DGKA: variants seen among roughly 807,000 people sequenced by gnomAD.
The protein encoded by DGKA is diacylglycerol kinase alpha.
A neutral mutation model predicts 105.0 loss-of-function variants in DGKA; 35 were observed. The observed-to-expected ratio is 0.33, with a 90% CI of 0.25 to 0.44. DGKA has a LOEUF of 0.44. Among genes scored for constraint, DGKA ranks in the 20% least tolerant of loss-of-function variants. The pLI, the probability that DGKA is intolerant of heterozygous loss-of-function variation, is 1.00. For missense variants in DGKA, 665 were observed against 915.0 expected, an observed-to-expected ratio of 0.73 and a Z score of 3.53; for synonymous variants, 296 against 332.0, an observed-to-expected ratio of 0.89 and a Z score of 1.18.
chr12:55,935,934 A>T, intron 1 of DGKA: 1 of 986,436 alleles, frequency 1.0e-6, no homozygotes, highest in Non-Finnish European at 1.2e-6. Flanking sequence ...AAATGGGGTC[A>T]TGGCCAGGAA....
Position 55,952,878 on chromosome 12 carries a change from G to A in DGKA, c.1888G>A (p.Gly630Ser). ...GDIYGINQAL[G>S]ATAKVITDPD... ...TATCTATGGGATCAACCAGGCCTTA[G>A]GTGCTACAGCTAAAGTCATCACCGA... Residue 630 changes from glycine to serine, a missense_variant, in exon 21 of 24, where the codon GGT (glycine) becomes AGT (serine). By Grantham distance (56) the Gly-to-Ser change is moderately conservative. Coordinates refer to ENST00000331886, the MANE Select transcript of DGKA (RefSeq NM_001345.5). This position sits in a 1 kb window ranked among gnomAD's most constrained non-coding sequence, Gnocchi z 5.1. The A allele has an allele frequency of 6.2e-7, 1 of 1,614,196 alleles. No individual in the cohort carries two copies. Among genetic ancestry groups the A allele is most frequent in the East Asian group, 2.2e-5 (1 of 44,886 alleles).
chr12:55,930,355 TTG>T (rs1883357163), upstream of DGKA: 1 of 117,856 alleles, frequency 8.5e-6, no homozygotes, highest in South Asian at 2.9e-4. Context: ...GTCAAGGGCC[TTG>T]TTTTTTTTTT....
At chr12:55,938,174 C>A in intron 5 of DGKA, 122 bp downstream of exon 5, 2 of 895,856 alleles carry the variant, frequency 2.2e-6, no homozygotes, top group Non-Finnish European at 3.5e-6. Context: ...AAAGGTGGGG[C>A]CAGAGAATGA....
At position 55,932,735 on chromosome 12, in the gene DGKA, A is replaced by C; in HGVS notation, c.-82+1391A>C. 1 of 614,398 alleles carries C rather than the reference A, an allele frequency of 1.6e-6. No homozygotes were observed. Among genetic ancestry groups the C allele is most frequent in the Non-Finnish European group, 3.0e-6 (1 of 337,156 alleles). The allele number at this position is 614,398 out of a possible 1,614,324, so 38.1% of individuals were successfully genotyped here. ...CACACACACACACACACACACACACACACACAACCCCCTCAGCCAGGTGTA... is the reference window on the plus strand; with the variant it reads ...CACACACACACACACACACACACACCCACACAACCCCCTCAGCCAGGTGTA... On this transcript the variant is annotated intron_variant, in intron 1 of 23. Coordinates refer to ENST00000331886, the MANE Select transcript of DGKA (RefSeq NM_001345.5). The surrounding 1 kb of genome is among the most constrained non-coding windows in gnomAD (Gnocchi z 4.3).
chr12:55,937,109 ATCT>A lies in DGKA; in HGVS notation c.138+27_138+29del, dbSNP rs777050274. On this transcript the variant is annotated intron_variant, in intron 3 of 23. Transcript: ENST00000331886. ...AGGAGATGTGAGTGGCAGCTGGGAAATCTTCTTCTTGATCAACTCTTCCCATCT... is the reference window on the plus strand; with the variant it reads ...AGGAGATGTGAGTGGCAGCTGGGAAATCTTCTTGATCAACTCTTCCCATCT... 3.1e-5 allele frequency: 50 copies of A among 1,613,398 alleles called. No homozygotes were observed. Among genetic ancestry groups the A allele is most frequent in the East Asian group, 1.8e-4 (8 of 44,860 alleles).
intron 22 of DGKA, 21 bp downstream of exon 22, chr12:55,953,181 G>A (rs1254158250): frequency 6.2e-7 from 1 of 1,613,914 alleles, no homozygotes; most frequent in Non-Finnish European, 8.5e-7. Context: ...CTCCACCAGG[G>A]TCCCTGAGGG....
chr12:55,936,262 G>A, intron 1 of DGKA, 161 bp from the exon 2 acceptor site: 1 of 792,558 alleles, frequency 1.3e-6, no homozygotes, highest in Non-Finnish European at 1.8e-6. Context: ...TAGAGGCATA[G>A]GGAAGAGGGA....
Position 55,940,817 on chromosome 12 carries a change from T to G in DGKA, c.1018-80T>G. On this transcript the variant is annotated intron_variant, in intron 12 of 23. Transcript: ENST00000331886. The surrounding 1 kb of genome is among the most constrained non-coding windows in gnomAD (Gnocchi z 4.3). ...ATTTAGAATAGAGAGCTCATACTTT[T>G]AGGATTCAAGTCAGACCCCTCTATT... is the stretch of plus-strand genomic sequence containing the variant. 6.3e-7 allele frequency: 1 copy of G among 1,596,110 alleles called. No individual in the cohort carries two copies. The highest frequency in any genetic ancestry group is 1.1e-5 in the South Asian group (1 of 90,580).
rs1886237073 is a variant in DGKA, at chr12:55,942,548, G to A, written c.1426+285G>A. 5 of 394,556 alleles carry A rather than the reference G, an allele frequency of 1.3e-5. No homozygotes were observed. In the Admixed American group the frequency reaches 1.8e-4, roughly 14 times the overall value. The allele number at this position is 394,556 out of a possible 1,614,324, so 24.4% of individuals were successfully genotyped here. On this transcript the variant is annotated intron_variant, in intron 17 of 23. Transcript: ENST00000331886. ...GGCTCAGAGAATCAAGGAATATGGG[G>A]GTGGGGAACAATGTGTGAATAAGGA...
At chr12:55,938,186 C>G (rs1242374585) in intron 5 of DGKA, 134 bp downstream of exon 5, 1 of 809,966 alleles carries the variant, frequency 1.2e-6, no homozygotes, top group Admixed American at 2.4e-5. Context: ...AGAGAATGAG[C>G]CCATTTCCTG....
intron 1 of DGKA, 186 bp from the exon 2 acceptor site, chr12:55,936,224 GACAGAGGACAGAC>G (rs1884669573): frequency 1.7e-6 from 1 of 602,696 alleles, no homozygotes. Context: ...GAGAAACAGA[GACAGAGGACAGAC>G]ACTGTCAGGG....
chr12:55,930,411 G>A (rs551002802), upstream of DGKA: 3 of 124,408 alleles, frequency 2.4e-5, no homozygotes, highest in African/African-American at 8.9e-5. Flanking sequence ...GTGTCACCCA[G>A]GCTGGAGTGC....
At chr12:55,943,409 G>A (rs1886401558) in intron 17 of DGKA, 1 of 151,996 alleles carries the variant, frequency 6.6e-6, no homozygotes, top group Non-Finnish European at 1.5e-5. Flanking sequence ...CTGAATAGCT[G>A]GAAATACAGG....
chr12:55,951,575 C>T (rs979391292), intron 17 of DGKA, 48 bp from the exon 18 acceptor site: 2 of 1,576,608 alleles, frequency 1.3e-6, no homozygotes, highest in African/African-American at 2.7e-5. Context: ...GAGAAGAGGC[C>T]TCTCTGGGAC....
upstream of DGKA, chr12:55,927,714 G>C: frequency 6.5e-7 from 1 of 1,539,542 alleles, no homozygotes; most frequent in South Asian, 1.2e-5. Context: ...AGGGCGCCGC[G>C]GGTCGGTCAC....
At position 55,940,307 on chromosome 12, in the gene DGKA, C is replaced by T. The variant is rs1195504978; in HGVS notation, c.799-7C>T. 2 of 1,614,252 alleles carry T rather than the reference C, an allele frequency of 1.2e-6. No individual in the cohort carries two copies. Among genetic ancestry groups the T allele is most frequent in the Non-Finnish European group, 1.7e-6 (2 of 1,180,040 alleles). ...CTGCCAGACAAGGAACTGCCTTTCTCCCCAAGGTCCAATCACATGTGTGGG... is the reference window on the plus strand; with the variant it reads ...CTGCCAGACAAGGAACTGCCTTTCTTCCCAAGGTCCAATCACATGTGTGGG... On this transcript the variant is annotated splice_region_variant and splice_polypyrimidine_tract_variant and intron_variant, in intron 10 of 23. Transcript: ENST00000331886. This position sits in a 1 kb window ranked among gnomAD's most constrained non-coding sequence, Gnocchi z 4.3.
rs565883245 is a variant in DGKA, at chr12:55,942,627, C to T, written c.1426+364C>T. ...GAATGATGGAGCTAGCAGGTCATGA[C>T]TCATTCACTCATTCAAACAATTAAC... On this transcript the variant is annotated intron_variant, in intron 17 of 23. Coordinates refer to ENST00000331886, the MANE Select transcript of DGKA (RefSeq NM_001345.5). 2.0e-4 allele frequency: 51 copies of T among 259,048 alleles called. 1 individual carries two copies. Among genetic ancestry groups the T allele is most frequent in the South Asian group, 1.9e-3 (36 of 19,306 alleles). 16.0% of individuals were successfully genotyped at this position (259,048 alleles called of 1,614,324 possible).
chr12:55,940,178 A>T lies in DGKA; in HGVS notation c.798+8A>T. The T allele has an allele frequency of 6.2e-7, 1 of 1,613,890 alleles. No individual in the cohort carries two copies. Among genetic ancestry groups the T allele is most frequent in the Non-Finnish European group, 8.5e-7 (1 of 1,179,764 alleles). On this transcript the variant is annotated splice_region_variant and intron_variant, in intron 10 of 23. Coordinates refer to ENST00000331886, the MANE Select transcript of DGKA (RefSeq NM_001345.5). The surrounding 1 kb of genome is among the most constrained non-coding windows in gnomAD (Gnocchi z 4.3). The stretch of plus-strand genomic sequence containing the variant: ...TCTCGGAAGGACATTGGTGTGAGTG[A>T]TCTCATGCCTCCACCCCCAACATCA...
At chr12:55,937,117 C>T in intron 3 of DGKA, 27 bp downstream of exon 3, 2 of 1,610,756 alleles carry the variant, frequency 1.2e-6, no homozygotes, top group East Asian at 2.2e-5. Flanking sequence ...AAATCTTCTT[C>T]TTGATCAACT....
Sources: gnomAD v4.1 joint callset for allele counts on GRCh38, gnomAD v4.1.1 for gene constraint, Gnocchi (gnomAD v3.1) non-coding constraint, MANE v1.5 for transcripts, NCBI Gene and HGNC (gene_info 2026-07-23, HGNC 2026-07-21) for gene names.